Variants in ETFA observed in about 807,000 individuals in gnomAD.
ETFA encodes the protein electron transfer flavoprotein subunit alpha.
In ETFA, 22 loss-of-function variants were observed where a neutral mutation model predicts 46.2. The observed-to-expected ratio is 0.48, with a 90% CI of 0.34 to 0.68. ETFA has a LOEUF of 0.68. Ranked by LOEUF, ETFA falls within the 30% of genes least tolerant of loss-of-function variation. The pLI, the probability that ETFA is intolerant of heterozygous loss-of-function variation, is 0.01. For missense variants in ETFA, 345 were observed against 401.1 expected, an observed-to-expected ratio of 0.86 and a Z score of 1.19; for synonymous variants, 131 against 139.9, an observed-to-expected ratio of 0.94 and a Z score of 0.45.
chr15:76,228,557 A>C (rs1183533269), intron 10 of ETFA, among the ~76,000 whole-genome samples: 1 of 152,130 alleles, frequency 6.6e-6, no homozygotes, highest in African/African-American at 2.4e-5. Context: ...ACAGTATTTA[A>C]CAAAAAAGAT....
At chr15:76,242,161 G>A (rs1428208504) in intron 9 of ETFA, among the ~76,000 whole-genome samples, 1 of 152,114 alleles carries the variant, frequency 6.6e-6, no homozygotes, top group Non-Finnish European at 1.5e-5. Context: ...TATCAGCAAA[G>A]TTCTTTAATT....
At chr15:76,269,504 C>G (rs565756747) in intron 9 of ETFA, among the ~76,000 whole-genome samples, 2 of 152,310 alleles carry the variant, frequency 1.3e-5, no homozygotes, top group Admixed American at 6.5e-5. Flanking sequence ...CCACCTGTTT[C>G]TTTGTTTGAT....
At chr15:76,267,275 T>C (rs2039478958) in intron 9 of ETFA, among the ~76,000 whole-genome samples, 1 of 152,228 alleles carries the variant, frequency 6.6e-6, no homozygotes, top group Admixed American at 6.5e-5. Context: ...ACGCTCACTC[T>C]GTACTTAAAT....
chr15:76,304,774 G>A (rs2141555533), intron 1 of ETFA, among the ~76,000 whole-genome samples: 1 of 152,184 alleles, frequency 6.6e-6, no homozygotes, highest in African/African-American at 2.4e-5. Flanking sequence ...GCCAGGAGCG[G>A]TGGCTCACAC....
At chr15:76,297,630 T>C (rs1238903897) in intron 1 of ETFA, among the ~76,000 whole-genome samples, 1 of 152,136 alleles carries the variant, frequency 6.6e-6, no homozygotes, top group Non-Finnish European at 1.5e-5. Context: ...GTAGTTATCC[T>C]AAGGAACCAT....
At chr15:76,261,618 CCAGCAGCAGCCCCAGCTGCTGTGG>C (rs1000572149) in intron 9 of ETFA, 80 of 439,390 alleles carry the variant, frequency 1.8e-4, no homozygotes, top group African/African-American at 1.5e-3. Context: ...GTCAGAGCCG[CCAGCAGCAGCCCCAGCTGCTGTGG>C]CGGCAGCAGC....
chr15:76,269,027 AGCCGATG>A (rs1170195379), intron 9 of ETFA, among the ~76,000 whole-genome samples: 3 of 152,240 alleles, frequency 2.0e-5, no homozygotes, highest in Non-Finnish European at 4.4e-5. Flanking sequence ...TCAACAAGAC[AGCCGATG>A]GGTTGTCTAC....
intron 1 of ETFA, among the ~76,000 whole-genome samples, chr15:76,298,960 T>G (rs2039854547): frequency 6.6e-6 from 1 of 152,218 alleles, no homozygotes; most frequent in Non-Finnish European, 1.5e-5. Context: ...ATTTTCATTT[T>G]ATTATTTTAT....
At chr15:76,297,630 T>A (rs1238903897) in intron 1 of ETFA, among the ~76,000 whole-genome samples, 1 of 152,136 alleles carries the variant, frequency 6.6e-6, no homozygotes, top group East Asian at 1.9e-4. Flanking sequence ...GTAGTTATCC[T>A]AAGGAACCAT....
intron 8 of ETFA, among the ~76,000 whole-genome samples, chr15:76,279,119 A>G (rs2039623642): frequency 6.6e-6 from 1 of 152,074 alleles, no homozygotes; most frequent in African/African-American, 2.4e-5. Flanking sequence ...AAATCCCTCA[A>G]AAAGTTATCT....
intron 1 of ETFA, among the ~76,000 whole-genome samples, chr15:76,297,123 T>C (rs2039832884): frequency 6.6e-6 from 1 of 152,160 alleles, no homozygotes; most frequent in African/African-American, 2.4e-5. Context: ...AAGCATAGCA[T>C]GGAATTTACC....
chr15:76,265,919 C>A (rs2039466269), intron 9 of ETFA, among the ~76,000 whole-genome samples: 2 of 152,182 alleles, frequency 1.3e-5, no homozygotes, highest in Non-Finnish European at 2.9e-5. Context: ...GAGCCTCTGG[C>A]TCCCATTCCT....
intron 9 of ETFA, chr15:76,261,011 G>A (rs1238060850): frequency 9.4e-5 from 152 of 1,609,394 alleles, no homozygotes; most frequent in Non-Finnish European, 1.1e-4. Flanking sequence ...GCTTTGTCAC[G>A]GTGATGTTGA....
chr15:76,240,743 T>G (rs1430008709), intron 9 of ETFA, among the ~76,000 whole-genome samples: 1 of 151,890 alleles, frequency 6.6e-6, no homozygotes, highest in Non-Finnish European at 1.5e-5. Context: ...AAGAGAATAG[T>G]TTCACATTCA....
intron 4 of ETFA, among the ~76,000 whole-genome samples, chr15:76,290,486 A>G (rs567494713): frequency 6.6e-6 from 1 of 151,974 alleles, no homozygotes; most frequent in East Asian, 1.9e-4. Flanking sequence ...CTGGGACCAC[A>G]GGCATGCACC....
chr15:76,289,122 C>T (rs1236100490), intron 4 of ETFA, among the ~76,000 whole-genome samples: 2 of 151,892 alleles, frequency 1.3e-5, no homozygotes, highest in Non-Finnish European at 2.9e-5. Flanking sequence ...TCTGTAGAAG[C>T]GGGGTCTTGC....
chr15:76,261,179 T>C (rs1294895944), intron 9 of ETFA: 1 of 1,535,972 alleles, frequency 6.5e-7, no homozygotes, highest in South Asian at 1.1e-5. Context: ...ATCTTCGTAG[T>C]TCCTCTCCAC....
intron 11 of ETFA, among the ~76,000 whole-genome samples, chr15:76,218,696 C>T (rs2038924168): frequency 6.6e-6 from 1 of 152,332 alleles, no homozygotes; most frequent in Non-Finnish European, 1.5e-5. Flanking sequence ...TTTCTGTTCT[C>T]TTTTAGATAT....
At chr15:76,240,859 C>G (rs1167234429) in intron 9 of ETFA, among the ~76,000 whole-genome samples, 1 of 151,804 alleles carries the variant, frequency 6.6e-6, no homozygotes, top group Admixed American at 6.6e-5. Flanking sequence ...CTGCAGTGAA[C>G]TATGGTCTCA....
Sources: allele counts gnomAD v4.1 joint callset (sites outside exome capture counted in the v4.1 genomes callset), GRCh38; gene constraint gnomAD v4.1.1; transcripts MANE v1.5; gene names NCBI Gene and HGNC (gene_info 2026-07-23, HGNC 2026-07-21).